Variants in HDAC9 observed in about 807,000 individuals in gnomAD.
HDAC9 encodes the protein histone deacetylase 9, also known as MEF-2 interacting transcription repressor (MITR) protein.
A neutral mutation model predicts 139.4 loss-of-function variants in HDAC9; 41 were observed. That is an observed-to-expected ratio of 0.29 (90% CI 0.23 to 0.38). The LOEUF (loss-of-function observed/expected upper bound fraction) is 0.38, where lower values mean the gene tolerates loss of function less well. Among genes scored for constraint, HDAC9 ranks in the 10% least tolerant of loss-of-function variants. The probability of loss-of-function intolerance (pLI) is 1.00; values close to 1 mark genes in which losing one functional copy is unlikely to be tolerated. For synonymous variants in HDAC9, 517 were observed against 476.2 expected (o/e 1.09, Z -1.12); for missense variants, 1,147 against 1,297.0 (o/e 0.88, Z 1.78).
intron 1 of HDAC9, among the ~76,000 whole-genome samples, chr7:18,310,944 T>C (rs928270533): frequency 3.9e-5 from 6 of 152,086 alleles, no homozygotes; most frequent in Admixed American, 2.0e-4. Flanking sequence ...TTTCTATTTC[T>C]AAAAAAAGTT....
chr7:18,928,783 A>G (rs1049379825), intron 22 of HDAC9, among the ~76,000 whole-genome samples: 1 of 151,994 alleles, frequency 6.6e-6, no homozygotes, highest in East Asian at 1.9e-4. Flanking sequence ...CGATGGAACT[A>G]TGTATTTATT....
intron 12 of HDAC9, among the ~76,000 whole-genome samples, chr7:18,710,373 G>T (rs947003965): frequency 1.3e-5 from 2 of 152,118 alleles, no homozygotes; most frequent in East Asian, 1.9e-4. Flanking sequence ...ATTTATATTG[G>T]TTTAATTATT....
At chr7:18,281,286 A>T (rs181341865) in intron 2 of HDAC9, among the ~76,000 whole-genome samples, 1 of 152,344 alleles carries the variant, frequency 6.6e-6, no homozygotes, top group East Asian at 1.9e-4. Flanking sequence ...GTGAGCATCA[A>T]AACTATTCAC....
intron 1 of HDAC9, among the ~76,000 whole-genome samples, chr7:18,456,707 C>G (rs1206624779): frequency 6.6e-6 from 1 of 152,162 alleles, no homozygotes; most frequent in Non-Finnish European, 1.5e-5. Flanking sequence ...ACCTCTCTTC[C>G]TGTGTCTATA....
chr7:18,341,508 C>A (rs1378562245), intron 1 of HDAC9, among the ~76,000 whole-genome samples: 2 of 151,356 alleles, frequency 1.3e-5, no homozygotes, highest in East Asian at 1.9e-4. Flanking sequence ...TTTTTTCCTG[C>A]GATATCTAAT....
intron 17 of HDAC9, among the ~76,000 whole-genome samples, chr7:18,796,061 CATTTAATTAAATAAA>C: frequency 6.6e-6 from 1 of 152,306 alleles, no homozygotes; most frequent in East Asian, 1.9e-4. Context: ...AGTAAATCAA[CATTTAATTAAATAAA>C]ATTGGCATGT....
At chr7:18,196,625 G>T (rs1460933630) in intron 2 of HDAC9, among the ~76,000 whole-genome samples, 1 of 152,130 alleles carries the variant, frequency 6.6e-6, no homozygotes, top group Non-Finnish European at 1.5e-5. Flanking sequence ...ATAAGAAAAA[G>T]AATTCGATCT....
At chr7:18,396,649 A>G (rs1239259676) in intron 1 of HDAC9, among the ~76,000 whole-genome samples, 1 of 152,204 alleles carries the variant, frequency 6.6e-6, no homozygotes, top group Non-Finnish European at 1.5e-5. Context: ...GTTAAGAGAC[A>G]ATGCCCCTAA....
intron 2 of HDAC9, among the ~76,000 whole-genome samples, chr7:18,258,276 G>T (rs1795410064): frequency 6.6e-6 from 1 of 152,146 alleles, no homozygotes; most frequent in South Asian, 2.1e-4. Context: ...TGAAGCACTG[G>T]GTTAAATGAG....
At chr7:18,704,273 A>G (rs560591457) in intron 12 of HDAC9, among the ~76,000 whole-genome samples, 1 of 152,318 alleles carries the variant, frequency 6.6e-6, no homozygotes, top group South Asian at 2.1e-4. Context: ...ACTTTTGCTT[A>G]CACACTTCTT....
chr7:18,634,799 A>G, intron 8 of HDAC9, 57 bp downstream of exon 8: 1 of 1,021,042 alleles, frequency 9.8e-7, no homozygotes, highest in Non-Finnish European at 1.5e-6. Context: ...TAGCTACCTA[A>G]TACAAAGTGA....
At chr7:18,912,404 GTATTAA>G (rs1273393176) in intron 22 of HDAC9, among the ~76,000 whole-genome samples, 4 of 152,076 alleles carry the variant, frequency 2.6e-5, no homozygotes, top group Admixed American at 2.6e-4. Flanking sequence ...GTGGGTATAA[GTATTAA>G]TATTAAATTT....
intron 1 of HDAC9, among the ~76,000 whole-genome samples, chr7:18,307,497 C>G (rs766306827): frequency 6.6e-6 from 1 of 152,098 alleles, no homozygotes; most frequent in Non-Finnish European, 1.5e-5. Flanking sequence ...AAACTAGTTT[C>G]TAACATTATA....
At chr7:18,519,282 C>T (rs991002154) in intron 2 of HDAC9, among the ~76,000 whole-genome samples, 6 of 152,102 alleles carry the variant, frequency 3.9e-5, no homozygotes, top group Non-Finnish European at 7.4e-5. Context: ...ACTTGGTATT[C>T]TTCGTAGTCA....
chr7:18,283,421 A>G (rs1372264072), intron 2 of HDAC9, among the ~76,000 whole-genome samples: 1 of 152,180 alleles, frequency 6.6e-6, no homozygotes, highest in Non-Finnish European at 1.5e-5. Flanking sequence ...TTAGGTGGGG[A>G]CACAGAGCCA....
At chr7:18,338,409 T>G (rs138490494) in intron 1 of HDAC9, among the ~76,000 whole-genome samples, 2 of 151,726 alleles carry the variant, frequency 1.3e-5, no homozygotes, top group African/African-American at 4.8e-5. Context: ...GATCCAAGGA[T>G]TAGGCTCAAG....
At chr7:18,752,103 C>A (rs1788500097) in intron 14 of HDAC9, among the ~76,000 whole-genome samples, 1 of 152,088 alleles carries the variant, frequency 6.6e-6, no homozygotes, top group Non-Finnish European at 1.5e-5. Context: ...CTATTTCATG[C>A]CAAATTATTT....
intron 1 of HDAC9, among the ~76,000 whole-genome samples, chr7:18,450,527 A>C (rs1014960942): frequency 6.6e-6 from 1 of 152,180 alleles, no homozygotes; most frequent in African/African-American, 2.4e-5. Flanking sequence ...CAGGGCAGAC[A>C]CTTTTAGTAA....
At chr7:18,516,603 T>C (rs746123642) in intron 2 of HDAC9, among the ~76,000 whole-genome samples, 2 of 152,156 alleles carry the variant, frequency 1.3e-5, no homozygotes, top group African/African-American at 4.8e-5. Flanking sequence ...TTCACGCCTG[T>C]AATCCCAGCA....
Sources: allele counts gnomAD v4.1 joint callset (sites outside exome capture counted in the v4.1 genomes callset), GRCh38; gene constraint gnomAD v4.1.1; transcripts MANE v1.5; gene names NCBI Gene and HGNC (gene_info 2026-07-23, HGNC 2026-07-21).